AFF2: variants seen among roughly 807,000 people sequenced by gnomAD.
The protein encoded by AFF2 is AF4/FMR2 family member 2.
A neutral mutation model predicts 76.9 loss-of-function variants in AFF2; 14 were observed. That is an observed-to-expected ratio of 0.18 (90% CI 0.12 to 0.28). The LOEUF is 0.28. Among genes scored for constraint, AFF2 ranks in the 10% least tolerant of loss-of-function variants. The pLI, the probability that AFF2 is intolerant of heterozygous loss-of-function variation, is 1.00. For synonymous variants in AFF2, 398 were observed against 366.7 expected, an observed-to-expected ratio of 1.09 and a Z score of -0.98; for missense variants, 868 against 1,001.1, an observed-to-expected ratio of 0.87 and a Z score of 1.79.
chrX:148,738,672 T>A (rs2055314477), intron 3 of AFF2, among the ~76,000 whole-genome samples: 1 of 111,672 alleles, frequency 9.0e-6, no homozygotes, highest in Admixed American at 9.5e-5. Context: ...TCGGTTTGGT[T>A]TGTTCTTGTT....
In AFF2 at chrX:148,956,603, G is replaced by A. The variant is rs782648832; in HGVS notation, c.2558G>A (p.Arg853His). The change falls in exon 11 of 21, where the codon CGT becomes CAT. Residue 853 changes from arginine to histidine, a missense_variant. Arg to His is a conservative substitution (Grantham distance 29). Around this residue, in one of 6 missense-constraint regions of AFF2, gnomAD observed 532 missense variants for 564.2 expected, o/e 0.94. Coordinates refer to ENST00000370460, the MANE Select transcript of AFF2 (RefSeq NM_002025.4). ...AVEKPAPKGK[R>H]KHKPIEVAEK... Reference sequence around the variant, plus strand: ...GAGAAACCAGCCCCTAAGGGCAAACGTAAGCACAAGGTAAGCTGTCTAAAG... The same window carrying A: ...GAGAAACCAGCCCCTAAGGGCAAACATAAGCACAAGGTAAGCTGTCTAAAG... 29 of 1,207,087 alleles carry A rather than the reference G, an allele frequency of 2.4e-5. No homozygotes were observed. Among genetic ancestry groups the A allele is most frequent in the East Asian group, 8.9e-5 (3 of 33,745 alleles).
rs1460739079 is a variant in AFF2, at chrX:148,775,888, C to T, written c.1042-33988C>T. Among the ~76,000 whole-genome samples, 4 of 108,948 alleles carry T rather than the reference C, an allele frequency of 3.7e-5. No homozygotes were observed. In the East Asian group the frequency reaches 8.7e-4, roughly 24 times the overall value. The allele number at this position is 108,948 out of a possible 115,157, so 94.6% of individuals were successfully genotyped here. A position where few individuals can be genotyped will look rare whatever the true frequency, so the allele number is the denominator to read the frequency against. On this transcript the variant is annotated intron_variant, in intron 3 of 20. Transcript: ENST00000370460. ...TTTTTTTTTTCATGTACTTTAAGTT[C>T]TGGGATACATGTGCAGAACATGCAG...
chrX:148,955,968 C>T lies in AFF2; in HGVS notation c.1923C>T (p.Asp641=), dbSNP rs782033795. Residue 641 remains aspartate (D), a synonymous_variant, in exon 11 of 21, where the codon GAC becomes GAT. Coordinates refer to ENST00000370460, the MANE Select transcript of AFF2 (RefSeq NM_002025.4). ...AAGTTGAGAAGAACACCAGCACTGA[C>T]GAGTTTACCTGGCCCAAACCAAATA... is the stretch of plus-strand genomic sequence containing the variant. The part of the protein sequence containing the change: ...PKKVEKNTST[D]EFTWPKPNIT... 1.9e-5 allele frequency: 23 copies of T among 1,209,314 alleles called. No homozygotes were observed. Among genetic ancestry groups the T allele is most frequent in the East Asian group, 8.9e-5 (3 of 33,770 alleles).
At chrX:148,563,282 C>T (rs143420467) in intron 1 of AFF2, among the ~76,000 whole-genome samples, 394 of 111,976 alleles carry the variant, frequency 3.5e-3, no homozygotes, top group African/African-American at 0.011. Flanking sequence ...CAATGGGAAG[C>T]GTTTGGAGGA....
chrX:148,604,820 G>A (rs1235012026), intron 1 of AFF2, among the ~76,000 whole-genome samples: 1 of 111,290 alleles, frequency 9.0e-6, no homozygotes, highest in East Asian at 2.8e-4. Flanking sequence ...TAATGAGGTA[G>A]AGAGCAGAAC....
At chrX:148,954,322 A>G (rs2072006032) in intron 10 of AFF2, among the ~76,000 whole-genome samples, 1 of 112,478 alleles carries the variant, frequency 8.9e-6, no homozygotes, top group Non-Finnish European at 1.9e-5. Context: ...TTTGCTTCAC[A>G]TCCTCTCTGA....
At chrX:148,520,106 G>C (rs1334414209) in intron 1 of AFF2, among the ~76,000 whole-genome samples, 1 of 111,313 alleles carries the variant, frequency 9.0e-6, no homozygotes, top group Non-Finnish European at 1.9e-5. Flanking sequence ...TGTATTCTGG[G>C]CCTGCTGCTT....
At chrX:148,616,965 G>A in intron 1 of AFF2, among the ~76,000 whole-genome samples, 1 of 111,680 alleles carries the variant, frequency 9.0e-6, no homozygotes, top group East Asian at 2.8e-4. Flanking sequence ...TCTTAATCCA[G>A]TCTATCGTTG....
chrX:148,810,648 A>G (rs1435958693), intron 4 of AFF2, among the ~76,000 whole-genome samples: 2 of 112,050 alleles, frequency 1.8e-5, no homozygotes, highest in Non-Finnish European at 3.8e-5. Context: ...GACCTTGGAC[A>G]GATGACTTTA....
intron 1 of AFF2, among the ~76,000 whole-genome samples, chrX:148,553,154 AT>A (rs2053014120): frequency 8.9e-6 from 1 of 112,064 alleles, no homozygotes; most frequent in Admixed American, 9.5e-5. Flanking sequence ...CTAATACACA[AT>A]AAAATATACG....
intron 1 of AFF2, among the ~76,000 whole-genome samples, chrX:148,600,926 T>C (rs1042740005): frequency 8.9e-6 from 1 of 112,509 alleles, no homozygotes; most frequent in African/African-American, 3.2e-5. Flanking sequence ...ATGAATGAGC[T>C]TGGCAAGTTG....
intron 19 of AFF2, among the ~76,000 whole-genome samples, chrX:148,983,951 G>GAAAAAAAAAAAAAAAAAAAAAAA (rs1569558020): frequency 7.0e-4 from 2 of 2,847 alleles, no homozygotes; most frequent in Middle Eastern, 0.5. Context: ...GAGTGAAATA[G>GAAAAAAAAAAAAAAAAAAAAAAA]ACAAAAAAAA....
At chrX:148,961,537 C>T (rs1557288011) in intron 12 of AFF2, among the ~76,000 whole-genome samples, 1 of 112,033 alleles carries the variant, frequency 8.9e-6, no homozygotes, top group African/African-American at 3.2e-5. Flanking sequence ...AACATAGGGC[C>T]ACATTTATGA....
At chrX:148,827,015 A>C (rs1264674568) in intron 4 of AFF2, among the ~76,000 whole-genome samples, 4 of 111,381 alleles carry the variant, frequency 3.6e-5, no homozygotes, top group African/African-American at 1.3e-4. Flanking sequence ...ACATCTTGTG[A>C]TAGATTTGTT....
Position 148,977,866 on chromosome X carries a change from C to A in AFF2, c.3405-67C>A. 3.8e-6 allele frequency: 3 copies of A among 791,146 alleles called. No individual in the cohort carries two copies. The South Asian group carries it at 6.5e-5, about 17-fold the overall frequency. The allele number at this position is 791,146 out of a possible 1,213,427, so 65.2% of individuals were successfully genotyped here. A position where few individuals can be genotyped will look rare whatever the true frequency, so the allele number is the denominator to read the frequency against. ...ATAACTCATTCAGGCAATCAGAATA[C>A]CAGTGACTTTAGGCATTTCTGAAGG... On this transcript the variant is annotated intron_variant, in intron 16 of 20. Coordinates refer to ENST00000370460, the MANE Select transcript of AFF2 (RefSeq NM_002025.4).
intron 3 of AFF2, among the ~76,000 whole-genome samples, chrX:148,732,862 C>T (rs1208707723): frequency 9.0e-6 from 1 of 111,077 alleles, no homozygotes; most frequent in Non-Finnish European, 1.9e-5. Flanking sequence ...AGATTAACTA[C>T]CTGTCACTAG....
At chrX:148,889,667 CA>C (rs1569556626) in intron 8 of AFF2, among the ~76,000 whole-genome samples, 1 of 111,556 alleles carries the variant, frequency 9.0e-6, no homozygotes, top group Non-Finnish European at 1.9e-5. Context: ...ACTATTTGGG[CA>C]GCAGACATAT....
chrX:148,841,504 A>C (rs1452137459), intron 5 of AFF2, among the ~76,000 whole-genome samples: 1 of 111,840 alleles, frequency 8.9e-6, no homozygotes, highest in African/African-American at 3.2e-5. Context: ...TATTATGATG[A>C]GTGTAAGTTA....
intron 1 of AFF2, among the ~76,000 whole-genome samples, chrX:148,573,676 C>CAT (rs10669279): frequency 0.3 from 33,361 of 109,868 alleles, 3,889 homozygotes; most frequent in African/African-American, 0.36. Flanking sequence ...TTAAGGTTAA[C>CAT]GTGTCTTATT....
Sources: allele counts gnomAD v4.1 joint callset (sites outside exome capture counted in the v4.1 genomes callset), GRCh38; gene constraint gnomAD v4.1.1; regional missense constraint gnomAD v4.1.1; transcripts MANE v1.5; gene names NCBI Gene and HGNC (gene_info 2026-07-23, HGNC 2026-07-21).